Variants in SNX29 observed in about 807,000 individuals in gnomAD.
SNX29 encodes the protein sorting nexin 29, also known as sorting nexin-29.
SNX29 carries 78 observed loss-of-function variants against 102.1 expected under a neutral mutation model. The observed-to-expected ratio is 0.76, with a 90% CI of 0.64 to 0.92. The LOEUF (loss-of-function observed/expected upper bound fraction) is 0.92, where lower values mean the gene tolerates loss of function less well. Among genes scored for constraint, SNX29 ranks in the 40% least tolerant of loss-of-function variants. The pLI is 0.00. For missense variants in SNX29, 1,280 were observed against 1,061.7 expected (o/e 1.21, Z -2.86); for synonymous variants, 580 against 414.5 (o/e 1.40, Z -4.85).
chr16:12,473,320 T>C (rs191227768), intron 18 of SNX29, among the ~76,000 whole-genome samples: 1 of 152,324 alleles, frequency 6.6e-6, no homozygotes, highest in African/African-American at 2.4e-5. Context: ...GGCATTAGAC[T>C]AGCTTCGATT....
rs557420209 is a variant in SNX29, at chr16:12,550,321, G to A, written c.2319-18185G>A. On this transcript the variant is annotated intron_variant, in intron 20 of 20. Transcript: ENST00000566228. ...GGAGGCCAAGGTGGTTGGGTCACCT[G>A]AGGTCGAGTGTGAGACCAGCCTAGC... Among the ~76,000 whole-genome samples the A allele has an allele frequency of 7.9e-5, 12 of 152,288 alleles. No homozygotes were observed. The South Asian group carries it at 2.5e-3, about 32-fold the overall frequency.
At chr16:12,299,637 G>C (rs963330736) in intron 15 of SNX29, among the ~76,000 whole-genome samples, 1 of 152,012 alleles carries the variant, frequency 6.6e-6, no homozygotes, top group Admixed American at 6.6e-5. Flanking sequence ...ATTGTTTCTA[G>C]GCCTTTTCAG....
chr16:12,110,558 T>C (rs1313981709), intron 11 of SNX29, among the ~76,000 whole-genome samples: 1 of 152,124 alleles, frequency 6.6e-6, no homozygotes, highest in Non-Finnish European at 1.5e-5. Context: ...GCAGGTGTGG[T>C]GGCTGGGCTG....
intron 18 of SNX29, among the ~76,000 whole-genome samples, chr16:12,428,354 T>C (rs370291569): frequency 8.5e-5 from 13 of 152,182 alleles, no homozygotes; most frequent in South Asian, 2.1e-4. Context: ...ATTCCAAAGA[T>C]TAAAATAAGG....
chr16:12,226,514 G>A (rs969204207), intron 14 of SNX29, among the ~76,000 whole-genome samples: 6 of 151,544 alleles, frequency 4.0e-5, no homozygotes, highest in Non-Finnish European at 8.8e-5. Context: ...CAGGTTCTCT[G>A]TTTATTCTAG....
intron 16 of SNX29, among the ~76,000 whole-genome samples, chr16:12,394,607 C>A (rs1297847705): frequency 6.6e-6 from 1 of 152,130 alleles, no homozygotes; most frequent in Non-Finnish European, 1.5e-5. Context: ...GCTGGACATC[C>A]AAGATGGTGC....
intron 11 of SNX29, among the ~76,000 whole-genome samples, chr16:12,113,315 C>T (rs1410723202): frequency 1.3e-5 from 2 of 152,184 alleles, no homozygotes; most frequent in East Asian, 3.9e-4. Context: ...AGACAAGCCA[C>T]ACATCCATGG....
intron 20 of SNX29, among the ~76,000 whole-genome samples, chr16:12,533,112 C>A (rs2076976306): frequency 6.6e-6 from 1 of 152,224 alleles, no homozygotes; most frequent in Non-Finnish European, 1.5e-5. Flanking sequence ...ACAGGTTCAA[C>A]TCGACAGCTC....
chr16:12,512,369 AATAT>A (rs58157322), intron 19 of SNX29, among the ~76,000 whole-genome samples: 1,154 of 43,376 alleles, frequency 0.027, 26 homozygotes, highest in Admixed American at 0.052. Flanking sequence ...GCCCAGGGAA[AATAT>A]ATATATATAT....
At chr16:12,180,697 G>C (rs1262026198) in intron 13 of SNX29, among the ~76,000 whole-genome samples, 1 of 152,166 alleles carries the variant, frequency 6.6e-6, no homozygotes, top group African/African-American at 2.4e-5. Context: ...GTGTAAGCCA[G>C]GATGGTCTCG....
chr16:12,276,022 A>G (rs1042207612), intron 14 of SNX29, among the ~76,000 whole-genome samples: 19 of 151,164 alleles, frequency 1.3e-4, no homozygotes, highest in African/African-American at 4.4e-4. Flanking sequence ...CCCTCCGAGT[A>G]GCTGGGATTG....
intron 16 of SNX29, among the ~76,000 whole-genome samples, chr16:12,390,318 C>T (rs1198455757): frequency 1.3e-5 from 2 of 152,144 alleles, no homozygotes; most frequent in South Asian, 2.1e-4. Flanking sequence ...AGGTTTCCCC[C>T]GTCGGAGCAC....
At chr16:12,452,699 C>T (rs1224387495) in intron 18 of SNX29, among the ~76,000 whole-genome samples, 3 of 152,134 alleles carry the variant, frequency 2.0e-5, no homozygotes, top group African/African-American at 7.2e-5. Context: ...GCATCTGTGA[C>T]TGCCAGACCC....
intron 20 of SNX29, among the ~76,000 whole-genome samples, chr16:12,532,953 C>T (rs1336418164): frequency 1.3e-5 from 2 of 152,232 alleles, no homozygotes; most frequent in African/African-American, 4.8e-5. Context: ...TGGCTGCGGA[C>T]CCAGGGAGCG....
intron 18 of SNX29, among the ~76,000 whole-genome samples, chr16:12,461,165 A>G (rs1296194191): frequency 2.6e-5 from 4 of 152,220 alleles, no homozygotes; most frequent in South Asian, 2.1e-4. Flanking sequence ...TCAAGATTCT[A>G]TCTCAGGCAG....
chr16:12,160,551 C>T (rs1373476897), intron 13 of SNX29, among the ~76,000 whole-genome samples: 3 of 152,120 alleles, frequency 2.0e-5, no homozygotes, highest in Admixed American at 2.0e-4. Flanking sequence ...TGTCAGGGGC[C>T]GTGGTTGGGG....
chr16:12,540,009 T>G (rs2077255766), intron 20 of SNX29, among the ~76,000 whole-genome samples: 1 of 152,210 alleles, frequency 6.6e-6, no homozygotes, highest in African/African-American at 2.4e-5. Context: ...CAGTGTCTTT[T>G]GCATGACACC....
At chr16:12,117,771 T>C (rs1163376111) in intron 11 of SNX29, among the ~76,000 whole-genome samples, 4 of 152,170 alleles carry the variant, frequency 2.6e-5, no homozygotes, top group Non-Finnish European at 5.9e-5. Context: ...TTATGTGATA[T>C]GAATCGTACC....
At chr16:12,451,708 C>CA (rs2086306333) in intron 18 of SNX29, among the ~76,000 whole-genome samples, 2 of 152,048 alleles carry the variant, frequency 1.3e-5, no homozygotes, top group African/African-American at 4.8e-5. Context: ...ACTAAAAATA[C>CA]AAAAAATTAG....
Sources: gnomAD v4.1 joint callset for allele counts (sites outside exome capture counted in the v4.1 genomes callset) on GRCh38, gnomAD v4.1.1 for gene constraint, MANE v1.5 for transcripts, NCBI Gene and HGNC (gene_info 2026-07-23, HGNC 2026-07-21) for gene names.